The following MKX variants were observed in gnomAD, a reference collection of about 807,000 sequenced individuals.
MKX encodes mohawk homeobox, also known as homeobox protein Mohawk.
A neutral mutation model predicts 36.0 loss-of-function variants in MKX; 13 were observed. The observed-to-expected ratio is 0.36, with a 90% CI of 0.24 to 0.57. The LOEUF is 0.57. MKX is among the 20% of genes least tolerant of loss of function. MKX has a pLI of 0.79. For missense variants in MKX, 458 were observed against 456.4 expected (o/e 1.00, Z -0.03); for synonymous variants, 176 against 178.3 (o/e 0.99, Z 0.10).
In MKX at chr10:27,675,471, A is replaced by C. The variant is rs751267692; in HGVS notation, c.872+50T>G. On this transcript the variant is annotated intron_variant, in intron 6 of 6. Coordinates refer to ENST00000419761, the MANE Select transcript of MKX (RefSeq NM_173576.3). ...TCAAACTCACTGCAGTTTGCATTGAAAATGCCATCGCTGAAAAGCAGGAAC... is the reference window on the plus strand; with the variant it reads ...TCAAACTCACTGCAGTTTGCATTGACAATGCCATCGCTGAAAAGCAGGAAC... 5.6e-6 allele frequency: 9 copies of C among 1,613,928 alleles called. No individual in the cohort carries two copies. In the African/African-American group the frequency reaches 1.2e-4, roughly 22 times the overall value.
At chr10:27,675,637 A>C in intron 5 of MKX, 83 bp from the exon 6 acceptor site, 8 of 1,316,662 alleles carry the variant, frequency 6.1e-6, no homozygotes, top group Non-Finnish European at 8.5e-6. Flanking sequence ...TAATGACCAG[A>C]AGTAAAAGTT....
intron 5 of MKX, among the ~76,000 whole-genome samples, chr10:27,693,664 C>A (rs1415169948): frequency 6.6e-6 from 1 of 152,096 alleles, no homozygotes; most frequent in African/African-American, 2.4e-5. Flanking sequence ...GTAAATAAGA[C>A]ACCTATAAAT....
intron 1 of MKX, 96 bp from the exon 2 acceptor site, chr10:27,743,593 G>A: frequency 4.7e-6 from 3 of 643,188 alleles, no homozygotes; most frequent in South Asian, 2.6e-5. Flanking sequence ...GCCGGGCTGC[G>A]GAGCCGAGGG....
chr10:27,710,787 A>G (rs572393536), intron 5 of MKX, among the ~76,000 whole-genome samples: 67 of 152,156 alleles, frequency 4.4e-4, no homozygotes, highest in Non-Finnish European at 7.9e-4. Flanking sequence ...GCCTCCAAGT[A>G]GCTGGGATTA....
chr10:27,741,145 G>C lies in MKX; in HGVS notation c.348+200C>G, dbSNP rs930895370. ...ACTTTTCACTTCCCTACCTGACAGC[G>C]CATCCTGCATTCTTTCCTGCACGGA... is the stretch of plus-strand genomic sequence containing the variant. On this transcript the variant is annotated intron_variant, in intron 3 of 6. Transcript: ENST00000419761. The surrounding 1 kb of genome is among the most constrained non-coding windows in gnomAD (Gnocchi z 5.1). 2.0e-5 allele frequency among the ~76,000 whole-genome samples: 3 copies of C among 152,178 alleles called. No homozygotes were observed. The highest frequency in any genetic ancestry group is 4.4e-5 in the Non-Finnish European group (3 of 68,042).
intron 5 of MKX, among the ~76,000 whole-genome samples, chr10:27,717,712 G>A (rs985012647): frequency 6.6e-6 from 1 of 152,200 alleles, no homozygotes; most frequent in African/African-American, 2.4e-5. Context: ...AATTAGGTCT[G>A]GATATTTGCT....
chr10:27,732,907 A>G (rs916685900), intron 5 of MKX, among the ~76,000 whole-genome samples: 1 of 151,444 alleles, frequency 6.6e-6, no homozygotes, highest in African/African-American at 2.4e-5. Context: ...ACCACCATGC[A>G]TGGGTAATTA....
rs771824727 is a variant in MKX, at chr10:27,675,259, A to G, written c.1029T>C (p.Thr343=). The change falls in exon 7 of 7, where the codon ACT becomes ACC. Residue 343 remains threonine (T), a synonymous_variant. Coordinates refer to ENST00000419761, the MANE Select transcript of MKX (RefSeq NM_173576.3). Reference sequence around the variant, plus strand: ...ACTGCTGCACCAGCGGCACTTTGACAGTCTTTACTTCTGCTATATGGGACG... The same window carrying G: ...ACTGCTGCACCAGCGGCACTTTGACGGTCTTTACTTCTGCTATATGGGACG... The part of the protein sequence containing the change: ...QKSSHIAEVK[T]VKVPLVQQF 2 of 1,613,950 alleles carry G rather than the reference A, an allele frequency of 1.2e-6. No individual in the cohort carries two copies. Among genetic ancestry groups the G allele is most frequent in the Non-Finnish European group, 1.7e-6 (2 of 1,179,956 alleles).
chr10:27,675,477 C>T, intron 6 of MKX, 44 bp downstream of exon 6: 1 of 1,614,034 alleles, frequency 6.2e-7, no homozygotes, highest in Non-Finnish European at 8.5e-7. Context: ...TTGAAAATGC[C>T]ATCGCTGAAA....
At chr10:27,693,895 C>G (rs908869958) in intron 5 of MKX, among the ~76,000 whole-genome samples, 1 of 152,062 alleles carries the variant, frequency 6.6e-6, no homozygotes, top group African/African-American at 2.4e-5. Context: ...GTGAGAGGGA[C>G]CTGGTGGGAG....
chr10:27,681,185 G>A (rs188204785), intron 5 of MKX, among the ~76,000 whole-genome samples: 13 of 152,306 alleles, frequency 8.5e-5, no homozygotes, highest in South Asian at 2.1e-4. Context: ...GGTGGCTCAC[G>A]CCTGTAATCT....
rs1458597723 is a variant in MKX at position 27,673,457 on chromosome 10, T to G, written c.*1772A>C. 6.6e-6 allele frequency: 1 copy of G among 152,614 alleles called. No homozygotes were observed. The highest frequency in any genetic ancestry group is 2.1e-4 in the South Asian group (1 of 4,836). 9.5% of individuals were successfully genotyped at this position (152,614 alleles called of 1,614,324 possible). On this transcript the variant is annotated 3_prime_UTR_variant, in exon 7 of 7. Transcript: ENST00000419761. ...TATTTGTCTTTAGTTTTCATTGACA[T>G]GCTCACATTTTGGCATTTTTGTATT...
intron 5 of MKX, among the ~76,000 whole-genome samples, chr10:27,692,488 A>T (rs1416890295): frequency 2.0e-5 from 3 of 152,222 alleles, no homozygotes; most frequent in Non-Finnish European, 4.4e-5. Flanking sequence ...ACATACTGTT[A>T]TGAGATCTGT....
intron 5 of MKX, among the ~76,000 whole-genome samples, chr10:27,711,426 TTTC>T (rs1212075809): frequency 1.8e-4 from 25 of 138,500 alleles, no homozygotes; most frequent in South Asian, 1.7e-3. Flanking sequence ...CTTTCTTTCT[TTTC>T]TCTTTCTTTC....
At chr10:27,724,000 A>G (rs1589686290) in intron 5 of MKX, among the ~76,000 whole-genome samples, 1 of 152,228 alleles carries the variant, frequency 6.6e-6, no homozygotes. Context: ...GTCTCTGACC[A>G]CCTTTCAGCA....
chr10:27,714,245 G>T (rs974308152), intron 5 of MKX, among the ~76,000 whole-genome samples: 1 of 151,824 alleles, frequency 6.6e-6, no homozygotes, highest in African/African-American at 2.4e-5. Flanking sequence ...CAGTCTCTGT[G>T]GTTTAAATAA....
At chr10:27,714,937 G>A (rs965579823) in intron 5 of MKX, among the ~76,000 whole-genome samples, 1 of 152,192 alleles carries the variant, frequency 6.6e-6, no homozygotes, top group Non-Finnish European at 1.5e-5. Flanking sequence ...ACAGGCAGGG[G>A]CAGTGACTGA....
intron 5 of MKX, among the ~76,000 whole-genome samples, chr10:27,710,548 C>T (rs1836833469): frequency 6.6e-6 from 1 of 152,230 alleles, no homozygotes; most frequent in Non-Finnish European, 1.5e-5. Context: ...GGCCAATTCC[C>T]AGTTTGAGAA....
At chr10:27,690,942 C>T (rs1190185287) in intron 5 of MKX, among the ~76,000 whole-genome samples, 1 of 152,144 alleles carries the variant, frequency 6.6e-6, no homozygotes, top group Non-Finnish European at 1.5e-5. Flanking sequence ...AGGGAACTCT[C>T]ATGAGAGCTG....
Sources: gnomAD v4.1 joint callset for allele counts (sites outside exome capture counted in the v4.1 genomes callset) on GRCh38, gnomAD v4.1.1 for gene constraint, Gnocchi (gnomAD v3.1) non-coding constraint, MANE v1.5 for transcripts, NCBI Gene and HGNC (gene_info 2026-07-23, HGNC 2026-07-21) for gene names.